The following PLD5 variants were observed in gnomAD, a reference collection of about 807,000 sequenced individuals.
PLD5 encodes phospholipase D family member 5.
PLD5 carries 36 observed loss-of-function variants against 61.1 expected under a neutral mutation model. The ratio of observed to expected loss-of-function variants is 0.59; its 90% CI spans 0.45 to 0.78. The LOEUF is 0.78. PLD5 is among the 30% of genes least tolerant of loss of function. PLD5 has a pLI of 0.00. For synonymous variants in PLD5, 243 were observed against 242.8 expected, an observed-to-expected ratio of 1.00 and a Z score of -0.01; for missense variants, 515 against 644.4, an observed-to-expected ratio of 0.80 and a Z score of 2.17.
intron 1 of PLD5, among the ~76,000 whole-genome samples, chr1:242,406,508 G>A (rs182810536): frequency 1.7e-4 from 26 of 152,292 alleles, no homozygotes; most frequent in East Asian, 1.5e-3. Context: ...AGGTTGATCC[G>A]TCACTAGGCA....
At chr1:242,112,339 G>GTA (rs5782215) in intron 7 of PLD5, among the ~76,000 whole-genome samples, 17 of 143,296 alleles carry the variant, frequency 1.2e-4, no homozygotes, top group Non-Finnish European at 1.2e-4. Context: ...ATGTATATGT[G>GTA]TATATATATA....
chr1:242,111,057 A>AAT (rs1553300889), intron 7 of PLD5, among the ~76,000 whole-genome samples: 1 of 145,418 alleles, frequency 6.9e-6, no homozygotes, highest in Non-Finnish European at 1.5e-5. Context: ...GGGCTTCTGA[A>AAT]TTTTTTTTTT....
chr1:242,124,420 C>A (rs772481464), intron 6 of PLD5, 48 bp downstream of exon 6: 1 of 1,549,798 alleles, frequency 6.5e-7, no homozygotes, highest in South Asian at 1.1e-5. Context: ...TAATAAAGAG[C>A]CTTTGGAGGA....
At chr1:242,436,396 A>G (rs1665997167) in intron 1 of PLD5, among the ~76,000 whole-genome samples, 1 of 152,208 alleles carries the variant, frequency 6.6e-6, no homozygotes, top group Non-Finnish European at 1.5e-5. Flanking sequence ...CATGCCTGTC[A>G]TAAATGTTTA....
intron 1 of PLD5, among the ~76,000 whole-genome samples, chr1:242,435,651 C>A (rs922843418): frequency 1.3e-5 from 2 of 152,026 alleles, no homozygotes; most frequent in African/African-American, 4.8e-5. Flanking sequence ...ATGTATTGAC[C>A]AGCTGAAAAA....
chr1:242,187,438 A>G (rs1444697652), intron 5 of PLD5, among the ~76,000 whole-genome samples: 1 of 152,184 alleles, frequency 6.6e-6, no homozygotes, highest in East Asian at 1.9e-4. Flanking sequence ...TAATTAAGCC[A>G]TTGTTCATTT....
intron 5 of PLD5, among the ~76,000 whole-genome samples, chr1:242,198,774 G>A (rs2148950555): frequency 6.7e-6 from 1 of 149,786 alleles, no homozygotes; most frequent in Admixed American, 6.7e-5. Flanking sequence ...TTCACTCGTT[G>A]CCCAGGCTGG....
Sources: allele counts gnomAD v4.1 joint callset (sites outside exome capture counted in the v4.1 genomes callset), GRCh38; gene constraint gnomAD v4.1.1; transcripts MANE v1.5; gene names NCBI Gene and HGNC (gene_info 2026-07-23, HGNC 2026-07-21).